The following GRM8 variants were observed in gnomAD, a reference collection of about 807,000 sequenced individuals.
The protein encoded by GRM8 is glutamate metabotropic receptor 8.
GRM8 carries 47 observed loss-of-function variants against 87.2 expected under a neutral mutation model. The ratio of observed to expected loss-of-function variants is 0.54; its 90% CI spans 0.43 to 0.69. The LOEUF (loss-of-function observed/expected upper bound fraction) is 0.69. Among genes scored for constraint, GRM8 ranks in the 30% least tolerant of loss-of-function variants. GRM8 has a pLI of 0.00. For synonymous variants in GRM8, 396 were observed against 404.5 expected (o/e 0.98, Z 0.25); for missense variants, 1,019 against 1,139.2 (o/e 0.89, Z 1.52).
At chr7:126,804,693 C>T (rs1301833194) in intron 6 of GRM8, among the ~76,000 whole-genome samples, 1 of 152,210 alleles carries the variant, frequency 6.6e-6, no homozygotes, top group Non-Finnish European at 1.5e-5. Flanking sequence ...GCCTGAACTA[C>T]AAATAGTGCC....
At position 126,622,352 on chromosome 7, in the gene GRM8, T is replaced by C. The variant is rs78948457; in HGVS notation, c.1358-12854A>G. 3.6e-3 allele frequency among the ~76,000 whole-genome samples: 551 copies of C among 152,258 alleles called. 4 individuals are homozygous for C. Among genetic ancestry groups the C allele is most frequent in the African/African-American group, 0.012 (513 of 41,538 alleles). ...CCCAGTTGGCCCATTTCCCCCTCGC[T>C]TCTAGGTAATATTTGACTGTTTCAT... is the stretch of plus-strand genomic sequence containing the variant. On this transcript the variant is annotated intron_variant, in intron 7 of 10. Coordinates refer to ENST00000339582, the MANE Select transcript of GRM8 (RefSeq NM_000845.3).
At chr7:127,250,355 A>T (rs1337505105) in intron 1 of GRM8, among the ~76,000 whole-genome samples, 2 of 152,212 alleles carry the variant, frequency 1.3e-5, no homozygotes, top group African/African-American at 4.8e-5. Flanking sequence ...ATAACTTTCG[A>T]ACGGTGCATA....
chr7:126,731,276 C>G (rs1375450769), intron 7 of GRM8, among the ~76,000 whole-genome samples: 1 of 152,122 alleles, frequency 6.6e-6, no homozygotes, highest in East Asian at 1.9e-4. Context: ...GAGAACCACT[C>G]AATATCCTGA....
chr7:127,204,277 C>T (rs1795782848), intron 2 of GRM8, among the ~76,000 whole-genome samples: 1 of 152,180 alleles, frequency 6.6e-6, no homozygotes, highest in Admixed American at 6.6e-5. Flanking sequence ...CTAACTTTTG[C>T]CTTCGGATAC....
intron 2 of GRM8, among the ~76,000 whole-genome samples, chr7:127,115,937 T>G (rs1826672939): frequency 6.6e-6 from 1 of 152,126 alleles, no homozygotes; most frequent in South Asian, 2.1e-4. Context: ...GGCAACACAG[T>G]GAGACCTCCA....
intron 6 of GRM8, among the ~76,000 whole-genome samples, chr7:126,814,973 T>C (rs1384760074): frequency 1.3e-5 from 2 of 152,130 alleles, no homozygotes; most frequent in African/African-American, 4.8e-5. Context: ...TGTCTCTCTA[T>C]ACCAGAAAAA....
At chr7:126,641,965 G>A (rs966936880) in intron 7 of GRM8, among the ~76,000 whole-genome samples, 1 of 152,128 alleles carries the variant, frequency 6.6e-6, no homozygotes, top group African/African-American at 2.4e-5. Flanking sequence ...TGTCATGGGA[G>A]CTCCTCTAAC....
At chr7:126,805,385 C>A (rs1309501508) in intron 6 of GRM8, among the ~76,000 whole-genome samples, 1 of 152,248 alleles carries the variant, frequency 6.6e-6, no homozygotes, top group Non-Finnish European at 1.5e-5. Flanking sequence ...TTCCGCATCC[C>A]CCTGCCTGTC....
intron 7 of GRM8, among the ~76,000 whole-genome samples, chr7:126,723,254 C>T (rs1289148566): frequency 6.6e-6 from 1 of 151,882 alleles, no homozygotes; most frequent in African/African-American, 2.4e-5. Flanking sequence ...ATCTTCTTCA[C>T]AATTATGCCT....
intron 7 of GRM8, among the ~76,000 whole-genome samples, chr7:126,666,618 T>TTAAG (rs1431689874): frequency 6.6e-6 from 1 of 151,986 alleles, no homozygotes; most frequent in Admixed American, 6.6e-5. Flanking sequence ...GAACCTCAGC[T>TTAAG]TAAGCAAGAT....
chr7:127,110,662 G>C (rs1378537403), intron 2 of GRM8, among the ~76,000 whole-genome samples: 1 of 151,746 alleles, frequency 6.6e-6, no homozygotes, highest in Non-Finnish European at 1.5e-5. Context: ...AATTATTTTG[G>C]TTAGGAAAAA....
intron 8 of GRM8, among the ~76,000 whole-genome samples, chr7:126,534,303 G>A (rs1054254728): frequency 2.0e-5 from 3 of 152,174 alleles, no homozygotes; most frequent in African/African-American, 7.2e-5. Flanking sequence ...ATATATAAAA[G>A]ATGATCCATG....
chr7:127,015,310 A>C (rs1477831515), intron 3 of GRM8, among the ~76,000 whole-genome samples: 1 of 152,066 alleles, frequency 6.6e-6, no homozygotes, highest in African/African-American at 2.4e-5. Context: ...AAGAAGAAAG[A>C]GGAAGAGTCA....
intron 6 of GRM8, among the ~76,000 whole-genome samples, chr7:126,862,725 A>G (rs931237869): frequency 2.6e-5 from 4 of 152,060 alleles, no homozygotes; most frequent in African/African-American, 9.7e-5. Flanking sequence ...CAGTTAGTCT[A>G]AGATTTCAGG....
chr7:127,189,439 T>C (rs1441414565), intron 2 of GRM8, among the ~76,000 whole-genome samples: 3 of 152,088 alleles, frequency 2.0e-5, no homozygotes, highest in Admixed American at 2.0e-4. Flanking sequence ...TCTTTTTCGT[T>C]CTCCTGATAG....
intron 3 of GRM8, among the ~76,000 whole-genome samples, chr7:127,067,075 C>T (rs1321631991): frequency 2.6e-5 from 4 of 152,142 alleles, no homozygotes; most frequent in Non-Finnish European, 4.4e-5. Context: ...GTGATAAAGG[C>T]CCAAATGCCA....
chr7:126,569,362 TGACCATG>T (rs1794504754), intron 8 of GRM8, among the ~76,000 whole-genome samples: 1 of 152,232 alleles, frequency 6.6e-6, no homozygotes, highest in African/African-American at 2.4e-5. Flanking sequence ...GGGTATTTAA[TGACCATG>T]ACAGGCTCCA....
intron 2 of GRM8, among the ~76,000 whole-genome samples, chr7:127,170,112 C>A (rs1793704141): frequency 2.0e-5 from 3 of 151,968 alleles, no homozygotes; most frequent in South Asian, 4.2e-4. Flanking sequence ...TGAATCTGGG[C>A]AAAATATGTA....
At chr7:126,706,286 T>C (rs1212622549) in intron 7 of GRM8, among the ~76,000 whole-genome samples, 1 of 152,078 alleles carries the variant, frequency 6.6e-6, no homozygotes, top group Non-Finnish European at 1.5e-5. Context: ...CTCACATTAT[T>C]ATGGTGACTG....
Sources: gnomAD v4.1 joint callset for allele counts (sites outside exome capture counted in the v4.1 genomes callset) on GRCh38, gnomAD v4.1.1 for gene constraint, MANE v1.5 for transcripts, NCBI Gene and HGNC (gene_info 2026-07-23, HGNC 2026-07-21) for gene names.